The following ROBO2 variants were observed in gnomAD, a reference collection of about 807,000 sequenced individuals.
ROBO2 encodes the protein roundabout guidance receptor 2, also known as roundabout homolog 2.
In ROBO2, 53 loss-of-function variants were observed where a neutral mutation model predicts 160.8. The ratio of observed to expected loss-of-function variants is 0.33; its 90% confidence interval spans 0.26 to 0.41. The LOEUF is 0.41. Among genes scored for constraint, ROBO2 ranks in the 10% least tolerant of loss-of-function variants. ROBO2 has a pLI of 1.00. For synonymous variants in ROBO2, 664 were observed against 611.7 expected, an observed-to-expected ratio of 1.09 and a Z score of -1.26; for missense variants, 1,577 against 1,722.4, an observed-to-expected ratio of 0.92 and a Z score of 1.49.
chr3:76,538,157 A>T (rs891850610), intron 2 of ROBO2, among the ~76,000 whole-genome samples: 1 of 149,942 alleles, frequency 6.7e-6, no homozygotes, highest in Admixed American at 6.6e-5. Flanking sequence ...GAACTCACAC[A>T]CACACACACA....
intron 2 of ROBO2, among the ~76,000 whole-genome samples, chr3:76,797,401 A>ACAC (rs1387129593): frequency 6.6e-6 from 1 of 152,120 alleles, no homozygotes; most frequent in East Asian, 1.9e-4. Flanking sequence ...TGAAATGGAA[A>ACAC]CACAACATAC....
At chr3:76,853,340 A>C (rs1034363121) in intron 2 of ROBO2, among the ~76,000 whole-genome samples, 1 of 152,116 alleles carries the variant, frequency 6.6e-6, no homozygotes, top group Non-Finnish European at 1.5e-5. Flanking sequence ...AGTAATCACA[A>C]ATTTCAATCT....
At chr3:76,436,560 T>A (rs1344451267) in intron 2 of ROBO2, among the ~76,000 whole-genome samples, 1 of 152,206 alleles carries the variant, frequency 6.6e-6, no homozygotes, top group Non-Finnish European at 1.5e-5. Context: ...GGCAACTTTT[T>A]TTTTTGGTGG....
At chr3:76,012,152 G>A (rs2066212429) in intron 2 of ROBO2, among the ~76,000 whole-genome samples, 1 of 152,106 alleles carries the variant, frequency 6.6e-6, no homozygotes, top group South Asian at 2.1e-4. Flanking sequence ...CACAAATTAG[G>A]ATGACAGCCA....
chr3:76,445,458 A>G (rs777171616), intron 2 of ROBO2, among the ~76,000 whole-genome samples: 3 of 152,152 alleles, frequency 2.0e-5, no homozygotes, highest in Non-Finnish European at 4.4e-5. Flanking sequence ...GCTTCAAAAT[A>G]TTCTCCGTGG....
rs181214480 is a variant in ROBO2 at position 76,639,007 on chromosome 3, T to G, written c.110-459007T>G. 1.4e-3 allele frequency among the ~76,000 whole-genome samples: 216 copies of G among 152,282 alleles called. 3 individuals carry two copies. Among genetic ancestry groups the G allele is most frequent in the Admixed American group, 3.2e-3 (49 of 15,290 alleles). On this transcript the variant is annotated intron_variant, in intron 2 of 26. Coordinates refer to the ROBO2 transcript ENST00000487694. ...GTTTTTGCCTTTATTTTGAAGTTTT[T>G]GGCACTTCTATTCCAAAGACTCCAA... is the stretch of plus-strand genomic sequence containing the variant.
At chr3:77,607,811 A>G (rs200209015) in exon 21 of ROBO2, 6 of 1,613,894 alleles carry the variant, frequency 3.7e-6, no homozygotes, top group African/African-American at 2.7e-5. Context: ...GGAAAGGTGG[A>G]AAAAAGAAGA....
chr3:76,114,435 A>G (rs1394627330), intron 2 of ROBO2, among the ~76,000 whole-genome samples: 1 of 152,170 alleles, frequency 6.6e-6, no homozygotes, highest in Non-Finnish European at 1.5e-5. Flanking sequence ...TAAAAAAATT[A>G]TTCATAATAG....
At chr3:76,615,738 A>G (rs2088529903) in intron 2 of ROBO2, among the ~76,000 whole-genome samples, 1 of 152,200 alleles carries the variant, frequency 6.6e-6, no homozygotes, top group African/African-American at 2.4e-5. Context: ...TAAGCAAACC[A>G]AGTATTTTTA....
At chr3:76,811,497 T>G (rs1193826792) in intron 2 of ROBO2, among the ~76,000 whole-genome samples, 1 of 152,114 alleles carries the variant, frequency 6.6e-6, no homozygotes, top group African/African-American at 2.4e-5. Flanking sequence ...TAGATTTGGT[T>G]TTAAATGTCG....
intron 2 of ROBO2, among the ~76,000 whole-genome samples, chr3:76,658,113 T>TAAAA (rs1368252343): frequency 2.2e-4 from 29 of 129,636 alleles, no homozygotes; most frequent in African/African-American, 5.7e-4. Flanking sequence ...AATAAATAAA[T>TAAAA]AAAATATGTT....
chr3:76,482,728 A>G (rs981318648), intron 2 of ROBO2, among the ~76,000 whole-genome samples: 4 of 152,128 alleles, frequency 2.6e-5, no homozygotes, highest in African/African-American at 9.7e-5. Flanking sequence ...ACAGTGAATC[A>G]CTGATCTATT....
chr3:76,394,840 C>G (rs1357567805), intron 2 of ROBO2, among the ~76,000 whole-genome samples: 1 of 152,062 alleles, frequency 6.6e-6, no homozygotes, highest in Non-Finnish European at 1.5e-5. Flanking sequence ...TGCTTAGAGA[C>G]CTACAAAGAG....
At chr3:76,988,172 C>T (rs1388970944) in intron 2 of ROBO2, among the ~76,000 whole-genome samples, 1 of 152,056 alleles carries the variant, frequency 6.6e-6, no homozygotes, top group Admixed American at 6.6e-5. Flanking sequence ...AGTTGATGTA[C>T]TCATTTTTAT....
At chr3:75,974,502 CATTA>C (rs1303105264) in intron 2 of ROBO2, among the ~76,000 whole-genome samples, 1 of 151,420 alleles carries the variant, frequency 6.6e-6, no homozygotes, top group African/African-American at 2.4e-5. Flanking sequence ...GGTTAAAATC[CATTA>C]ATTAAGTAAA....
chr3:76,683,548 T>A (rs552369128), intron 2 of ROBO2, among the ~76,000 whole-genome samples: 1 of 151,788 alleles, frequency 6.6e-6, no homozygotes, highest in African/African-American at 2.4e-5. Context: ...TTTCTTCAAA[T>A]TCATTACCTT....
At chr3:77,133,909 GA>G (rs1489950803) in intron 2 of ROBO2, among the ~76,000 whole-genome samples, 2 of 152,100 alleles carry the variant, frequency 1.3e-5, no homozygotes, top group African/African-American at 4.8e-5. Flanking sequence ...AAATTGTTCA[GA>G]AAAAGAGTTG....
At chr3:76,749,134 A>G (rs2093938933) in intron 2 of ROBO2, among the ~76,000 whole-genome samples, 1 of 151,920 alleles carries the variant, frequency 6.6e-6, no homozygotes, top group Admixed American at 6.6e-5. Context: ...AGATTCAAAT[A>G]CTGAAATAAT....
At chr3:77,430,179 A>G (rs2078630739) in intron 2 of ROBO2, among the ~76,000 whole-genome samples, 1 of 152,130 alleles carries the variant, frequency 6.6e-6, no homozygotes, top group Non-Finnish European at 1.5e-5. Context: ...GTATGAGTAA[A>G]GGCTAAAGAT....
Sources: gnomAD v4.1 joint callset for allele counts (sites outside exome capture counted in the v4.1 genomes callset) on GRCh38, gnomAD v4.1.1 for gene constraint, MANE v1.5 for transcripts, NCBI Gene and HGNC (gene_info 2026-07-23, HGNC 2026-07-21) for gene names.